Variants in RBFOX1 observed in about 807,000 individuals in gnomAD.
RBFOX1 encodes RNA binding protein fox-1 homolog 1.
Under a neutral mutation model 57.7 loss-of-function variants are expected in RBFOX1, and 8 were observed. The observed-to-expected ratio is 0.14, with a 90% CI of 0.08 to 0.25. RBFOX1 has a LOEUF of 0.25. Ranked by LOEUF, RBFOX1 falls within the 10% of genes least tolerant of loss-of-function variation. The pLI, the probability that RBFOX1 is intolerant of heterozygous loss-of-function variation, is 1.00. For missense variants in RBFOX1, 611 were observed against 548.5 expected, an observed-to-expected ratio of 1.11 and a Z score of -1.14; for synonymous variants, 326 against 222.4, an observed-to-expected ratio of 1.47 and a Z score of -4.15.
At chr16:6,433,012 A>G (rs2094140351) in intron 2 of RBFOX1, among the ~76,000 whole-genome samples, 1 of 152,176 alleles carries the variant, frequency 6.6e-6, no homozygotes. Context: ...AACAATATTT[A>G]ATGAAATAAT....
chr16:7,065,771 G>T (rs1192508175), intron 4 of RBFOX1, among the ~76,000 whole-genome samples: 6 of 152,150 alleles, frequency 3.9e-5, no homozygotes, highest in African/African-American at 1.4e-4. Flanking sequence ...CTGTCTAAGT[G>T]AAAGTTTGTA....
chr16:6,698,561 T>C lies in RBFOX1; in HGVS notation c.-16+43911T>C, dbSNP rs149596094. ...CAAATTTTTGTTTGCTCTTCTGAAG[T>C]CATCATCGTCAATTAGTATTTGCCA... On this transcript the variant is annotated intron_variant, in intron 3 of 15. Coordinates refer to ENST00000550418, the MANE Select transcript of RBFOX1 (RefSeq NM_018723.4). Among the ~76,000 whole-genome samples, 125 of 152,328 alleles carry C rather than the reference T, an allele frequency of 8.2e-4. 4 individuals carry two copies. The East Asian group carries it at 0.02, about 25-fold the overall frequency.
chr16:5,872,980 A>G (rs373292489), intron 4 of RBFOX1, among the ~76,000 whole-genome samples: 168 of 152,076 alleles, frequency 1.1e-3, no homozygotes, highest in African/African-American at 3.6e-3. Flanking sequence ...GTGAAGTACT[A>G]TCTCTATTAA....
chr16:5,344,951 ATTC>A (rs1170980120), intron 1 of RBFOX1, among the ~76,000 whole-genome samples: 1 of 152,122 alleles, frequency 6.6e-6, no homozygotes, highest in Non-Finnish European at 1.5e-5. Context: ...ACCTTGTAAA[ATTC>A]TTCTTTCCCG....
chr16:5,820,125 T>C (rs1163675089), intron 3 of RBFOX1, among the ~76,000 whole-genome samples: 1 of 152,198 alleles, frequency 6.6e-6, no homozygotes, highest in Admixed American at 6.5e-5. Context: ...CTACCACCTC[T>C]AGGAAGTGGT....
chr16:5,423,840 G>T (rs143888543), intron 1 of RBFOX1, among the ~76,000 whole-genome samples: 23 of 152,230 alleles, frequency 1.5e-4, no homozygotes, highest in African/African-American at 5.5e-4. Context: ...GTCTTCTCGA[G>T]CTCCAGTGGC....
intron 4 of RBFOX1, among the ~76,000 whole-genome samples, chr16:7,230,335 G>A (rs571428806): frequency 2.0e-5 from 3 of 152,138 alleles, no homozygotes; most frequent in Non-Finnish European, 2.9e-5. Flanking sequence ...TAATTACTCC[G>A]TGTGTTGGGG....
At position 6,690,396 on chromosome 16, in the gene RBFOX1, A is replaced by C. The variant is rs2060033320; in HGVS notation, c.-16+35746A>C. Among the ~76,000 whole-genome samples, 4 of 152,196 alleles carry C rather than the reference A, an allele frequency of 2.6e-5. No homozygotes were observed. In the South Asian group the frequency reaches 8.3e-4, roughly 32 times the overall value. ...TCCATTCGTGACAAAAATTCATATA[A>C]AGGGCCATCACACTTTTAAAAAAAT... On this transcript the variant is annotated intron_variant, in intron 3 of 15. Coordinates refer to ENST00000550418, the MANE Select transcript of RBFOX1 (RefSeq NM_018723.4).
chr16:5,661,077 G>A (rs914076631), intron 3 of RBFOX1, among the ~76,000 whole-genome samples: 7 of 152,096 alleles, frequency 4.6e-5, no homozygotes, highest in African/African-American at 9.7e-5. Flanking sequence ...CTTCAGCCTG[G>A]CCGTCTTCCT....
intron 14 of RBFOX1, among the ~76,000 whole-genome samples, chr16:7,686,986 G>A (rs182811760): frequency 6.6e-6 from 1 of 152,038 alleles, no homozygotes. Flanking sequence ...TCTTCTTTCT[G>A]TTTAAGCTTC....
At chr16:6,744,463 TA>T (rs2073086160) in intron 3 of RBFOX1, among the ~76,000 whole-genome samples, 1 of 152,124 alleles carries the variant, frequency 6.6e-6, no homozygotes, top group Non-Finnish European at 1.5e-5. Flanking sequence ...CTATTTTTTT[TA>T]ATCAATAAAT....
chr16:7,519,736 C>T (rs1349444181), intron 5 of RBFOX1: 20 of 983,590 alleles, frequency 2.0e-5, no homozygotes, highest in Admixed American at 1.2e-4. Flanking sequence ...CCTCTTCGTC[C>T]TGTCCCAAGA....
chr16:6,095,648 C>T (rs1012971548), intron 1 of RBFOX1, among the ~76,000 whole-genome samples: 7 of 151,946 alleles, frequency 4.6e-5, no homozygotes, highest in Middle Eastern at 3.2e-3. Flanking sequence ...CAGCCAGCAC[C>T]GTGCTTTTTT....
intron 4 of RBFOX1, among the ~76,000 whole-genome samples, chr16:7,448,367 C>A (rs1357285525): frequency 6.6e-6 from 1 of 152,162 alleles, no homozygotes; most frequent in Non-Finnish European, 1.5e-5. Context: ...TCAGTGGCCT[C>A]ACAGTTCCAC....
chr16:5,565,627 CATAA>C (rs55680549), intron 2 of RBFOX1, among the ~76,000 whole-genome samples: 40,061 of 142,494 alleles, frequency 0.28, 5,639 homozygotes, highest in South Asian at 0.38. Context: ...CTCTGCCTTA[CATAA>C]ATAAATAAAT....
At chr16:6,404,712 T>C (rs144293526) in intron 2 of RBFOX1, among the ~76,000 whole-genome samples, 58 of 152,300 alleles carry the variant, frequency 3.8e-4, no homozygotes, top group African/African-American at 1.3e-3. Flanking sequence ...CACCTTTTGC[T>C]GTTCCCAGAT....
intron 7 of RBFOX1, among the ~76,000 whole-genome samples, chr16:7,594,968 G>T (rs950114213): frequency 1.3e-5 from 2 of 152,018 alleles, no homozygotes; most frequent in African/African-American, 4.8e-5. Context: ...TTATAAAAAA[G>T]GTCTTTCCTT....
At position 6,917,804 on chromosome 16, in the gene RBFOX1, G is replaced by C. The variant is rs114136327; in HGVS notation, c.-15-134253G>C. ...TGTGGATCTCAGTAGCAGACCTTCA[G>C]CTGCCTCTTAGAGAACAGGGCCCTG... On this transcript the variant is annotated intron_variant, in intron 3 of 15. Coordinates refer to ENST00000550418, the MANE Select transcript of RBFOX1 (RefSeq NM_018723.4). Among the ~76,000 whole-genome samples the C allele has an allele frequency of 8.8e-3, 1,343 of 152,266 alleles. 21 individuals are homozygous for C. The highest frequency in any genetic ancestry group is 0.03 in the African/African-American group (1,264 of 41,556).
chr16:6,085,512 C>T (rs868821299), intron 1 of RBFOX1, among the ~76,000 whole-genome samples: 2 of 152,340 alleles, frequency 1.3e-5, no homozygotes, highest in South Asian at 4.1e-4. Context: ...TTCAGGTGAT[C>T]TGCCCGCCTC....
Sources: gnomAD v4.1 joint callset for allele counts (sites outside exome capture counted in the v4.1 genomes callset) on GRCh38, gnomAD v4.1.1 for gene constraint, MANE v1.5 for transcripts, NCBI Gene and HGNC (gene_info 2026-07-23, HGNC 2026-07-21) for gene names.